The following GPC6 variants were observed in gnomAD, a reference collection of about 807,000 sequenced individuals.
GPC6 encodes the protein glypican 6, also known as glypican-6.
A neutral mutation model predicts 55.2 loss-of-function variants in GPC6; 14 were observed. That is an observed-to-expected ratio of 0.25 (90% CI 0.17 to 0.40). GPC6 has a LOEUF of 0.40. GPC6 is among the 10% of genes least tolerant of loss of function. The pLI is 1.00. For missense variants in GPC6, 641 were observed against 708.5 expected (o/e 0.90, Z 1.08); for synonymous variants, 278 against 259.6 (o/e 1.07, Z -0.68).
In GPC6 at chr13:93,396,104, T is replaced by C. The variant is rs57159809; in HGVS notation, c.161-149159T>C. ...CTACTGGTATCAACATTTGCTCCCA[T>C]CCCGAACTAAACACACAATGGTAAA... On this transcript the variant is annotated intron_variant, in intron 1 of 8. Coordinates refer to ENST00000377047, the MANE Select transcript of GPC6 (RefSeq NM_005708.5). Among the ~76,000 whole-genome samples, 1,846 of 152,244 alleles carry C rather than the reference T, an allele frequency of 0.012. 233 individuals carry two copies. The East Asian group carries it at 0.29, about 24-fold the overall frequency.
At chr13:93,302,443 A>G (rs1327636062) in intron 1 of GPC6, among the ~76,000 whole-genome samples, 2 of 152,252 alleles carry the variant, frequency 1.3e-5, no homozygotes, top group Non-Finnish European at 2.9e-5. Flanking sequence ...TTTTAAGAAT[A>G]GCACTTTGTA....
intron 1 of GPC6, among the ~76,000 whole-genome samples, chr13:93,465,864 A>T (rs1212090850): frequency 6.6e-6 from 1 of 152,304 alleles, no homozygotes; most frequent in African/African-American, 2.4e-5. Context: ...TGAAAGAGGT[A>T]CTACTCTTTT....
intron 4 of GPC6, among the ~76,000 whole-genome samples, chr13:94,285,715 T>A (rs535274864): frequency 6.6e-6 from 1 of 152,304 alleles, no homozygotes; most frequent in South Asian, 2.1e-4. Flanking sequence ...TTCAGTTCAG[T>A]GTAATTTCGT....
chr13:93,383,934 C>T (rs372387787), intron 1 of GPC6, among the ~76,000 whole-genome samples: 1 of 151,926 alleles, frequency 6.6e-6, no homozygotes, highest in South Asian at 2.1e-4. Flanking sequence ...CTTTATAAAA[C>T]AATATATTAT....
intron 1 of GPC6, among the ~76,000 whole-genome samples, chr13:93,462,935 T>G (rs1878753951): frequency 6.6e-6 from 1 of 152,148 alleles, no homozygotes; most frequent in African/African-American, 2.4e-5. Flanking sequence ...ATTTGCCTCC[T>G]AAGGCTTCAA....
At chr13:93,327,267 G>A (rs896222362) in intron 1 of GPC6, among the ~76,000 whole-genome samples, 1 of 152,110 alleles carries the variant, frequency 6.6e-6, no homozygotes, top group Non-Finnish European at 1.5e-5. Flanking sequence ...TAAATTATTA[G>A]GGAATTGGAG....
At chr13:93,262,892 G>A (rs1442453518) in intron 1 of GPC6, among the ~76,000 whole-genome samples, 5 of 152,184 alleles carry the variant, frequency 3.3e-5, no homozygotes, top group Admixed American at 2.0e-4. Flanking sequence ...AAAATAGTGA[G>A]AGTAGAGAGA....
intron 2 of GPC6, among the ~76,000 whole-genome samples, chr13:93,766,742 CTT>C: frequency 6.6e-6 from 1 of 152,120 alleles, no homozygotes; most frequent in Middle Eastern, 3.4e-3. Flanking sequence ...AAAAAATTCT[CTT>C]TTTGGGCATC....
intron 2 of GPC6, among the ~76,000 whole-genome samples, chr13:93,643,676 C>T (rs1323541124): frequency 6.6e-6 from 1 of 152,074 alleles, no homozygotes; most frequent in Non-Finnish European, 1.5e-5. Context: ...TCTCCCATCT[C>T]TGGTGATAAG....
chr13:93,581,024 ATTTTGAGCCAT>A (rs1451758406), intron 2 of GPC6, among the ~76,000 whole-genome samples: 2 of 152,190 alleles, frequency 1.3e-5, no homozygotes, highest in African/African-American at 4.8e-5. Flanking sequence ...AAAATAGGCG[ATTTTGAGCCAT>A]TATAATTGCT....
chr13:93,607,764 A>C (rs1428681029), intron 2 of GPC6, among the ~76,000 whole-genome samples: 1 of 152,042 alleles, frequency 6.6e-6, no homozygotes, highest in Non-Finnish European at 1.5e-5. Flanking sequence ...TGTGGCTTCA[A>C]ACTTCTTCTA....
intron 3 of GPC6, among the ~76,000 whole-genome samples, chr13:93,917,972 C>A (rs1252166603): frequency 6.6e-6 from 1 of 152,054 alleles, no homozygotes; most frequent in Non-Finnish European, 1.5e-5. Context: ...TGGCACATGC[C>A]TGTAACCCCA....
chr13:93,332,607 ATTAATCTCT>A (rs1879893040), intron 1 of GPC6, among the ~76,000 whole-genome samples: 1 of 152,040 alleles, frequency 6.6e-6, no homozygotes, highest in African/African-American at 2.4e-5. Context: ...TATTCTTGTT[ATTAATCTCT>A]TGTCAAATGG....
chr13:93,371,685 T>C (rs1335365959), intron 1 of GPC6, among the ~76,000 whole-genome samples: 3 of 151,964 alleles, frequency 2.0e-5, no homozygotes, highest in Non-Finnish European at 4.4e-5. Flanking sequence ...TATCATTCAG[T>C]ATCAGGTAAG....
chr13:93,920,015 A>G (rs1197017880), intron 3 of GPC6, among the ~76,000 whole-genome samples: 11 of 152,028 alleles, frequency 7.2e-5, no homozygotes. Flanking sequence ...TACAGATTTT[A>G]CAATCCAGCC....
chr13:94,078,775 T>C (rs1317585093), intron 4 of GPC6, among the ~76,000 whole-genome samples: 1 of 151,844 alleles, frequency 6.6e-6, no homozygotes, highest in Non-Finnish European at 1.5e-5. Flanking sequence ...CAAAGAGAAG[T>C]TCATGACCAG....
chr13:93,614,429 G>A (rs974664434), intron 2 of GPC6, among the ~76,000 whole-genome samples: 1 of 151,050 alleles, frequency 6.6e-6, no homozygotes, highest in South Asian at 2.1e-4. Flanking sequence ...ACATGGAAGG[G>A]CAAATTACTT....
intron 2 of GPC6, among the ~76,000 whole-genome samples, chr13:93,572,333 G>A (rs921684352): frequency 6.6e-6 from 1 of 152,118 alleles, no homozygotes; most frequent in African/African-American, 2.4e-5. Flanking sequence ...TTTCACATCA[G>A]AAATGTAGGG....
At chr13:93,458,760 C>T (rs1358330444) in intron 1 of GPC6, among the ~76,000 whole-genome samples, 1 of 152,092 alleles carries the variant, frequency 6.6e-6, no homozygotes, top group Non-Finnish European at 1.5e-5. Flanking sequence ...GGACAACATA[C>T]TATTTATTAT....
Sources: gnomAD v4.1 joint callset for allele counts (sites outside exome capture counted in the v4.1 genomes callset) on GRCh38, gnomAD v4.1.1 for gene constraint, MANE v1.5 for transcripts, NCBI Gene and HGNC (gene_info 2026-07-23, HGNC 2026-07-21) for gene names.